The following MAP3K19 variants were observed in gnomAD, a reference collection of about 807,000 sequenced individuals.
MAP3K19 encodes the protein SPS1/STE20-related protein kinase YSK4.
Under a neutral mutation model 114.4 loss-of-function variants are expected in MAP3K19, and 91 were observed. The observed-to-expected ratio is 0.80, with a 90% CI of 0.67 to 0.95. The LOEUF is 0.95. MAP3K19 is among the 40% of genes least tolerant of loss of function. The pLI is 0.00. For synonymous variants in MAP3K19, 518 were observed against 530.5 expected (o/e 0.98, Z 0.32); for missense variants, 1,471 against 1,573.2 (o/e 0.94, Z 1.10).
At chr2:135,008,136 T>C (rs1189719756) in intron 5 of MAP3K19, among the ~76,000 whole-genome samples, 1 of 152,160 alleles carries the variant, frequency 6.6e-6, no homozygotes. Flanking sequence ...TTCTTTTTTT[T>C]TTTTGAGATG....
intron 12 of MAP3K19, among the ~76,000 whole-genome samples, chr2:134,974,825 T>C (rs1272518460): frequency 6.6e-6 from 1 of 152,260 alleles, no homozygotes; most frequent in Non-Finnish European, 1.5e-5. Context: ...CAGTCACTTC[T>C]TTTAAATTTT....
chr2:134,993,381 T>C (rs1474757234), intron 8 of MAP3K19, among the ~76,000 whole-genome samples: 1 of 152,210 alleles, frequency 6.6e-6, no homozygotes, highest in Non-Finnish European at 1.5e-5. Flanking sequence ...GCATTCCCCT[T>C]GGACACAGCT....
At chr2:134,967,910 G>T (rs1683492383) in intron 12 of MAP3K19, among the ~76,000 whole-genome samples, 1 of 151,482 alleles carries the variant, frequency 6.6e-6, no homozygotes, top group African/African-American at 2.4e-5. Context: ...CTCGCAGAGG[G>T]GGATTTGGCA....
intron 12 of MAP3K19, among the ~76,000 whole-genome samples, chr2:134,972,152 T>C (rs968372441): frequency 1.3e-5 from 2 of 152,134 alleles, no homozygotes; most frequent in African/African-American, 4.8e-5. Context: ...TTAATGACTA[T>C]TGTCTCCCTG....
chr2:134,988,280 A>T (rs774352743), intron 9 of MAP3K19, 27 bp from the exon 10 acceptor site: 15 of 1,515,382 alleles, frequency 9.9e-6, no homozygotes, highest in Non-Finnish European at 1.1e-5. Flanking sequence ...AAAAGCTGTG[A>T]ATGCAGAAAC....
At chr2:134,992,024 C>T (rs1341442252) in intron 8 of MAP3K19, among the ~76,000 whole-genome samples, 1 of 152,134 alleles carries the variant, frequency 6.6e-6, no homozygotes, top group African/African-American at 2.4e-5. Context: ...TCTTTCCCTC[C>T]AGAGAAGGAG....
chr2:134,999,057 G>C lies in MAP3K19; in HGVS notation c.315-60C>G. The C allele has an allele frequency of 3.2e-6, 5 of 1,557,352 alleles. No homozygotes were observed. The highest frequency in any genetic ancestry group is 3.5e-6 in the Non-Finnish European group (4 of 1,148,818). Reference sequence around the variant, plus strand: ...AGTTGCCACATCTTCTGGATCTCCAGTCCTCAGTTCAGCCTGACATCACTA... The same window carrying C: ...AGTTGCCACATCTTCTGGATCTCCACTCCTCAGTTCAGCCTGACATCACTA... On this transcript the variant is annotated intron_variant, in intron 7 of 12. Coordinates refer to ENST00000392915, the MANE Select transcript of MAP3K19 (RefSeq NM_025052.5). The surrounding 1 kb of genome is among the most constrained non-coding windows in gnomAD (Gnocchi z 4.1).
At chr2:134,977,657 C>T (rs144248602) in intron 12 of MAP3K19, among the ~76,000 whole-genome samples, 13 of 151,986 alleles carry the variant, frequency 8.6e-5, no homozygotes, top group East Asian at 1.9e-4. Flanking sequence ...CCACCGCGCC[C>T]GGCTAATTTT....
rs369384804 is a variant in MAP3K19, at chr2:134,986,219, G to T, written c.2653C>A (p.Arg885=). The change falls in exon 10 of 13, where the codon CGA becomes AGA. Residue 885 remains arginine, a synonymous_variant. Transcript: ENST00000392915. ...TASLSKVNAS[R]ILTNDLEFDS... ...AACTCTAGATCATTAGTTAAAATTC[G>T]GCTGGCATTTACTTTACTAAGAGAT... is the stretch of plus-strand genomic sequence containing the variant. 34 of 1,613,780 alleles carry T rather than the reference G, an allele frequency of 2.1e-5. No individual in the cohort carries two copies. In the African/African-American group the frequency reaches 4.5e-4, roughly 22 times the overall value.
chr2:134,997,963 A>T (rs1009504362), intron 8 of MAP3K19, among the ~76,000 whole-genome samples: 1 of 152,040 alleles, frequency 6.6e-6, no homozygotes, highest in East Asian at 1.9e-4. Flanking sequence ...CCTCATTGTG[A>T]TAAATCAATG....
Position 134,999,064 on chromosome 2 carries a change from G to C in MAP3K19, c.315-67C>G. On this transcript the variant is annotated intron_variant, in intron 7 of 12. Transcript: ENST00000392915. This position sits in a 1 kb window ranked among gnomAD's most constrained non-coding sequence, Gnocchi z 4.1. ...ACATCTTCTGGATCTCCAGTCCTCA[G>C]TTCAGCCTGACATCACTAGAAAGTT... is the stretch of plus-strand genomic sequence containing the variant. 6.6e-7 allele frequency: 1 copy of C among 1,526,446 alleles called. No homozygotes were observed. The allele number at this position is 1,526,446 out of a possible 1,614,324, so 94.6% of individuals were successfully genotyped here.
chr2:134,987,775 T>C lies in MAP3K19; in HGVS notation c.1097A>G (p.Tyr366Cys), dbSNP rs1264089225. ...TRKPEEENSQYLSSRKNESSV... is the reference protein window; with the variant it reads ...TRKPEEENSQCLSSRKNESSV... ...ACTCTCATTCTTTCTTGATGAAAGA[T>C]ATTGAGAGTTCTCTTCTTCAGGTTT... The change falls in exon 10 of 13, where the codon TAT becomes TGT. Residue 366 changes from tyrosine (Y) to cysteine (C), a missense_variant. Coordinates refer to ENST00000392915, the MANE Select transcript of MAP3K19 (RefSeq NM_025052.5). The C allele has an allele frequency of 6.2e-7, 1 of 1,607,876 alleles. No individual in the cohort carries two copies. The highest frequency in any genetic ancestry group is 2.2e-5 in the East Asian group (1 of 44,894).
rs559298719 is a variant in MAP3K19 at position 134,993,356 on chromosome 2, C to T, written c.575-1776G>A. Among the ~76,000 whole-genome samples, 4 of 152,334 alleles carry T rather than the reference C, an allele frequency of 2.6e-5. No individual in the cohort carries two copies. In the South Asian group the frequency reaches 8.3e-4, roughly 32 times the overall value. ...CTAAGAAGAGGACCCCAACAGGCAA[C>T]AGGAGGGGGCACAGGCATTCCCCTT... is the stretch of plus-strand genomic sequence containing the variant. On this transcript the variant is annotated intron_variant, in intron 8 of 12. Transcript: ENST00000392915.
In MAP3K19 at chr2:134,991,587, C is replaced by T. The variant is rs989011931; in HGVS notation, c.575-7G>A. 6.2e-7 allele frequency: 1 copy of T among 1,609,846 alleles called. No homozygotes were observed. Among genetic ancestry groups the T allele is most frequent in the African/African-American group, 1.3e-5 (1 of 74,778 alleles). ...ATATGAGAGGTCGAAAACTCTACAA[C>T]AAGAAAAACAATAACTGGATATTCT... On this transcript the variant is annotated splice_polypyrimidine_tract_variant and splice_region_variant and intron_variant, in intron 8 of 12. Coordinates refer to ENST00000392915, the MANE Select transcript of MAP3K19 (RefSeq NM_025052.5).
intron 12 of MAP3K19, among the ~76,000 whole-genome samples, chr2:134,965,258 T>A (rs1215238758): frequency 6.6e-6 from 1 of 152,226 alleles, no homozygotes; most frequent in African/African-American, 2.4e-5. Context: ...GTGCAATTTG[T>A]TTGGAGTCTA....
At position 135,021,743 on chromosome 2, in the gene MAP3K19, A is replaced by C; in HGVS notation, c.110T>G (p.Ile37Ser). Residue 37 changes from isoleucine (I) to serine (S), a missense_variant, in exon 5 of 13, where the codon ATC becomes AGC. By Grantham distance (142) the Ile-to-Ser change is moderately radical. Transcript: ENST00000392915. ...DLMTVTKNQN[I>S]ILQSISRSEE... is the part of the protein sequence containing the mutation. Reference sequence around the variant, plus strand: ...ACTTCTGCTGATGCTTTGCAAGATGATGTTTTGATTTTTGGTAACTGTCAT... The same window carrying C: ...ACTTCTGCTGATGCTTTGCAAGATGCTGTTTTGATTTTTGGTAACTGTCAT... 2 of 1,611,966 alleles carry C rather than the reference A, an allele frequency of 1.2e-6. No individual in the cohort carries two copies. The highest frequency in any genetic ancestry group is 2.7e-5 in the African/African-American group (2 of 75,006).
At chr2:134,992,060 C>T (rs898327118) in intron 8 of MAP3K19, among the ~76,000 whole-genome samples, 4 of 152,146 alleles carry the variant, frequency 2.6e-5, no homozygotes, top group African/African-American at 7.2e-5. Context: ...GAATTGTAAG[C>T]AAATGCCTCC....
At chr2:134,968,389 G>A (rs1452100906) in intron 12 of MAP3K19, among the ~76,000 whole-genome samples, 7 of 149,892 alleles carry the variant, frequency 4.7e-5, no homozygotes, top group East Asian at 4.0e-4. Context: ...CCTCCCAGAC[G>A]GGGTGGTGGC....
At chr2:135,045,540 A>T (rs1688725807) in intron 1 of MAP3K19, among the ~76,000 whole-genome samples, 1 of 152,234 alleles carries the variant, frequency 6.6e-6, no homozygotes, top group Non-Finnish European at 1.5e-5. Context: ...TATTCAAATA[A>T]CAACTAGGCA....
Sources: gnomAD v4.1 joint callset for allele counts (sites outside exome capture counted in the v4.1 genomes callset) on GRCh38, gnomAD v4.1.1 for gene constraint, Gnocchi (gnomAD v3.1) non-coding constraint, MANE v1.5 for transcripts, NCBI Gene and HGNC (gene_info 2026-07-23, HGNC 2026-07-21) for gene names.